GSTCD: variants seen among roughly 807,000 people sequenced by gnomAD.
GSTCD encodes the protein glutathione S-transferase C-terminal domain-containing protein.
Under a neutral mutation model 68.3 loss-of-function variants are expected in GSTCD, and 44 were observed. The observed-to-expected ratio is 0.64, with a 90% CI of 0.51 to 0.83. The LOEUF (loss-of-function observed/expected upper bound fraction) is 0.83, where lower values mean the gene tolerates loss of function less well. Ranked by LOEUF, GSTCD falls within the 40% of genes least tolerant of loss-of-function variation. The probability of loss-of-function intolerance (pLI) is 0.00; values close to 1 mark genes in which losing one functional copy is unlikely to be tolerated. For missense variants in GSTCD, 739 were observed against 735.9 expected, an observed-to-expected ratio of 1.00 and a Z score of -0.05; for synonymous variants, 273 against 255.2, an observed-to-expected ratio of 1.07 and a Z score of -0.67.
intron 5 of GSTCD, among the ~76,000 whole-genome samples, chr4:105,817,142 TG>T (rs1024492631): frequency 1.1e-4 from 17 of 152,030 alleles, no homozygotes; most frequent in African/African-American, 3.9e-4. Context: ...TATAATGTTT[TG>T]TACTAATTAA....
intron 5 of GSTCD, among the ~76,000 whole-genome samples, chr4:105,776,760 C>T (rs541617268): frequency 1.4e-4 from 22 of 152,192 alleles, no homozygotes; most frequent in Admixed American, 2.6e-4. Flanking sequence ...CTGGGAGCTG[C>T]AGACTGGAGC....
At chr4:105,797,045 C>CG (rs527275501) in intron 5 of GSTCD, among the ~76,000 whole-genome samples, 1 of 140,324 alleles carries the variant, frequency 7.1e-6, no homozygotes, top group African/African-American at 2.6e-5. Context: ...GACAGAGATA[C>CG]ATGTGTGTGT....
chr4:105,803,997 T>C (rs1165463887), intron 5 of GSTCD, among the ~76,000 whole-genome samples: 1 of 151,996 alleles, frequency 6.6e-6, no homozygotes, highest in African/African-American at 2.4e-5. Context: ...TTTTTGTTTT[T>C]GTAAAGCTGG....
chr4:105,758,640 C>T (rs1163614873), intron 5 of GSTCD, among the ~76,000 whole-genome samples: 1 of 152,174 alleles, frequency 6.6e-6, no homozygotes, highest in Non-Finnish European at 1.5e-5. Context: ...ATAAATTACC[C>T]ATTCTCAGGT....
intron 7 of GSTCD, 58 bp downstream of exon 7, chr4:105,823,333 C>A: frequency 6.5e-7 from 1 of 1,548,554 alleles, no homozygotes; most frequent in Non-Finnish European, 8.9e-7. Context: ...TTCAGCTAGC[C>A]AAATTTGGTT....
intron 5 of GSTCD, among the ~76,000 whole-genome samples, chr4:105,763,105 CTCA>C (rs1734475956): frequency 2.0e-5 from 3 of 152,206 alleles, no homozygotes; most frequent in South Asian, 2.1e-4. Flanking sequence ...TTGTAAATGG[CTCA>C]TCAACTTGGA....
intron 3 of GSTCD, among the ~76,000 whole-genome samples, chr4:105,724,884 ATGT>A (rs1460493745): frequency 4.6e-5 from 7 of 152,010 alleles, no homozygotes; most frequent in African/African-American, 1.4e-4. Flanking sequence ...TTTTGATATA[ATGT>A]TGTCCAATTA....
At chr4:105,731,715 A>G (rs959747797) in intron 5 of GSTCD, among the ~76,000 whole-genome samples, 1 of 152,064 alleles carries the variant, frequency 6.6e-6, no homozygotes, top group Non-Finnish European at 1.5e-5. Context: ...CCTGGCCAGA[A>G]CTTCCAACAC....
intron 5 of GSTCD, among the ~76,000 whole-genome samples, chr4:105,759,218 A>G (rs1394586882): frequency 1.3e-5 from 2 of 152,170 alleles, no homozygotes; most frequent in Non-Finnish European, 1.5e-5. Flanking sequence ...GTCAGCTAGT[A>G]ATGGTACAAT....
chr4:105,828,258 A>G (rs1389059358), intron 8 of GSTCD, among the ~76,000 whole-genome samples: 2 of 152,176 alleles, frequency 1.3e-5, no homozygotes, highest in Admixed American at 6.5e-5. Flanking sequence ...TTTATCACTC[A>G]TAAGTGCTGA....
intron 5 of GSTCD, among the ~76,000 whole-genome samples, chr4:105,755,979 C>T (rs1365504745): frequency 2.6e-5 from 4 of 152,206 alleles, no homozygotes; most frequent in African/African-American, 9.7e-5. Flanking sequence ...GTTCCCATGA[C>T]ACCCTCCTAA....
intron 5 of GSTCD, among the ~76,000 whole-genome samples, chr4:105,747,937 C>T (rs981201126): frequency 2.0e-5 from 3 of 151,888 alleles, no homozygotes; most frequent in African/African-American, 7.3e-5. Flanking sequence ...AAGGCTATTA[C>T]ATTTTGAACT....
At chr4:105,721,256 C>A (rs1435642852) in intron 3 of GSTCD, among the ~76,000 whole-genome samples, 1 of 152,098 alleles carries the variant, frequency 6.6e-6, no homozygotes, top group Admixed American at 6.6e-5. Flanking sequence ...CTTTGATAAA[C>A]CCTTGATATT....
At chr4:105,809,323 G>T (rs1368706127) in intron 5 of GSTCD, among the ~76,000 whole-genome samples, 1 of 152,042 alleles carries the variant, frequency 6.6e-6, no homozygotes, top group Non-Finnish European at 1.5e-5. Context: ...TGAGGTTTCA[G>T]TCATTCACTG....
At chr4:105,838,738 C>G (rs1724219868) in intron 10 of GSTCD, among the ~76,000 whole-genome samples, 2 of 152,180 alleles carry the variant, frequency 1.3e-5, no homozygotes, top group South Asian at 4.1e-4. Context: ...TAAACATCAC[C>G]ACTATCCAAT....
chr4:105,795,788 T>C (rs1013576237), intron 5 of GSTCD, among the ~76,000 whole-genome samples: 1 of 152,228 alleles, frequency 6.6e-6, no homozygotes, highest in African/African-American at 2.4e-5. Flanking sequence ...CTCTGACCTA[T>C]AGATTGTGAT....
At chr4:105,766,639 T>C (rs1390546507) in intron 5 of GSTCD, among the ~76,000 whole-genome samples, 2 of 152,164 alleles carry the variant, frequency 1.3e-5, no homozygotes, top group Non-Finnish European at 2.9e-5. Flanking sequence ...TCATAGATCA[T>C]AGGATATGAG....
At chr4:105,823,920 A>G (rs1723451194) in intron 7 of GSTCD, among the ~76,000 whole-genome samples, 1 of 152,216 alleles carries the variant, frequency 6.6e-6, no homozygotes, top group Non-Finnish European at 1.5e-5. Context: ...TTTCAAGTAA[A>G]TATATCAGAA....
chr4:105,781,822 G>A (rs1461679842), intron 5 of GSTCD, among the ~76,000 whole-genome samples: 1 of 145,352 alleles, frequency 6.9e-6, no homozygotes, highest in African/African-American at 2.6e-5. Context: ...TTTTAACAAA[G>A]ATAATGCGGG....
Sources: allele counts gnomAD v4.1 joint callset (sites outside exome capture counted in the v4.1 genomes callset), GRCh38; gene constraint gnomAD v4.1.1; transcripts MANE v1.5; gene names NCBI Gene and HGNC (gene_info 2026-07-23, HGNC 2026-07-21).